ADARB2: variants seen among roughly 807,000 people sequenced by gnomAD.
ADARB2 encodes inactive double-stranded RNA-specific editase B2.
In ADARB2, 25 loss-of-function variants were observed where a neutral mutation model predicts 62.2. The ratio of observed to expected loss-of-function variants is 0.40; its 90% CI spans 0.29 to 0.56. ADARB2 has a LOEUF of 0.56. Ranked by LOEUF, ADARB2 falls within the 20% of genes least tolerant of loss-of-function variation. The pLI is 0.43. For synonymous variants in ADARB2, 572 were observed against 500.8 expected (o/e 1.14, Z -1.90); for missense variants, 1,071 against 1,077.4 (o/e 0.99, Z 0.08).
rs1267473963 is a variant in ADARB2, at chr10:1,220,027, GTGGTGATGATGGTAA to G, written c.1514-2923_1514-2909del. On this transcript the variant is annotated intron_variant, in intron 6 of 9. Transcript: ENST00000381312. ...GATGGTAATGGTGATGGTGATGATG[GTGGTGATGATGGTAA>G]TGGTGATGGTGGTGGTGGTGATGAT... Among the ~76,000 whole-genome samples, 890 of 139,382 alleles carry G rather than the reference GTGGTGATGATGGTAA, an allele frequency of 6.4e-3. 1 individual carries two copies. Among genetic ancestry groups the G allele is most frequent in the Non-Finnish European group, 8.2e-3 (525 of 63,908 alleles). 91.4% of individuals were successfully genotyped at this position (139,382 alleles called of 152,430 possible).
intron 4 of ADARB2, among the ~76,000 whole-genome samples, chr10:1,258,866 A>G (rs903033743): frequency 1.3e-5 from 2 of 152,292 alleles, no homozygotes; most frequent in African/African-American, 2.4e-5. Context: ...GCATCACACC[A>G]CACCTATTCC....
intron 1 of ADARB2, among the ~76,000 whole-genome samples, chr10:1,549,111 C>T (rs1377259142): frequency 2.0e-5 from 3 of 149,820 alleles, no homozygotes; most frequent in South Asian, 2.1e-4. Context: ...CAGAGGCTGG[C>T]GTCCGGTACA....
chr10:1,364,970 T>C lies in ADARB2; in HGVS notation c.188-1053A>G, dbSNP rs968650297. On this transcript the variant is annotated intron_variant, in intron 2 of 9. Coordinates refer to ENST00000381312, the MANE Select transcript of ADARB2 (RefSeq NM_018702.4). ...CCACTGCAACCTCCGCCTCCCAGAT[T>C]CAAGCGATTCTTCTGCCTCAGCCTC... Among the ~76,000 whole-genome samples the C allele has an allele frequency of 7.9e-5, 12 of 151,642 alleles. 1 individual carries two copies. Among genetic ancestry groups the C allele is most frequent in the Middle Eastern group, 3.4e-3 (1 of 294 alleles).
intron 1 of ADARB2, among the ~76,000 whole-genome samples, chr10:1,397,879 G>A (rs1326456519): frequency 9.7e-6 from 1 of 102,896 alleles, no homozygotes; most frequent in Non-Finnish European, 2.0e-5. Flanking sequence ...CTGGGTCACC[G>A]TCCTCCTCTC....
At position 1,382,564 on chromosome 10, in the gene ADARB2, A is replaced by G. The variant is rs917202357; in HGVS notation, c.101-3404T>C. 2.0e-5 allele frequency among the ~76,000 whole-genome samples: 3 copies of G among 152,176 alleles called. No homozygotes were observed. The East Asian group carries it at 5.8e-4, about 29-fold the overall frequency. ...GTGGTTTCCTCGGAACTCATTGTCC[A>G]TTTGGGATCTGATGTATATTCTGTT... On this transcript the variant is annotated intron_variant, in intron 1 of 9. Transcript: ENST00000381312.
chr10:1,303,822 G>A (rs1323687419), intron 3 of ADARB2, among the ~76,000 whole-genome samples: 1 of 151,654 alleles, frequency 6.6e-6, no homozygotes, highest in African/African-American at 2.4e-5. Flanking sequence ...ACAAGCAAAT[G>A]CTGAGAGATT....
intron 4 of ADARB2, among the ~76,000 whole-genome samples, chr10:1,243,207 C>T (rs1352892542): frequency 1.3e-5 from 2 of 152,234 alleles, no homozygotes; most frequent in Non-Finnish European, 2.9e-5. Flanking sequence ...GTTGCGGGTG[C>T]CCAGGAGCCT....
At chr10:1,548,134 C>T (rs1301953868) in intron 1 of ADARB2, among the ~76,000 whole-genome samples, 1 of 152,174 alleles carries the variant, frequency 6.6e-6, no homozygotes. Context: ...CGCCGAAGCT[C>T]AGGTGAACTT....
At chr10:1,452,953 C>T (rs751886024) in intron 1 of ADARB2, among the ~76,000 whole-genome samples, 8 of 152,114 alleles carry the variant, frequency 5.3e-5, no homozygotes, top group Non-Finnish European at 8.8e-5. Context: ...CCTGGTGGGC[C>T]GCGCAGAGCC....
intron 1 of ADARB2, among the ~76,000 whole-genome samples, chr10:1,379,398 TC>T (rs1832462269): frequency 6.6e-6 from 1 of 152,082 alleles, no homozygotes; most frequent in Non-Finnish European, 1.5e-5. Flanking sequence ...TATTTTGGCA[TC>T]CCCCTTCATC....
intron 5 of ADARB2, among the ~76,000 whole-genome samples, chr10:1,234,469 G>T (rs4880802): frequency 0.36 from 54,045 of 151,880 alleles, 10,091 homozygotes; most frequent in East Asian, 0.56. Flanking sequence ...ATAAGGTCTT[G>T]CTCTGTTGCT....
chr10:1,502,373 A>G (rs1831777306), intron 1 of ADARB2, among the ~76,000 whole-genome samples: 1 of 152,226 alleles, frequency 6.6e-6, no homozygotes, highest in Admixed American at 6.5e-5. Flanking sequence ...GAGGTATATG[A>G]CCGTGTGCTC....
At chr10:1,227,528 C>A (rs940527142) in intron 6 of ADARB2, among the ~76,000 whole-genome samples, 1 of 152,216 alleles carries the variant, frequency 6.6e-6, no homozygotes, top group Non-Finnish European at 1.5e-5. Context: ...CGGAGCTGTT[C>A]CTATTCGGCC....
At chr10:1,213,198 A>G (rs372790480) in intron 7 of ADARB2, among the ~76,000 whole-genome samples, 1 of 146,830 alleles carries the variant, frequency 6.8e-6, no homozygotes. Flanking sequence ...TAAAAAGACA[A>G]AGAGAGACAG....
At chr10:1,300,445 C>T (rs1196777753) in intron 3 of ADARB2, among the ~76,000 whole-genome samples, 2 of 152,202 alleles carry the variant, frequency 1.3e-5, no homozygotes, top group Non-Finnish European at 2.9e-5. Flanking sequence ...GCCTCTCCTC[C>T]TGACATTGCT....
At chr10:1,370,988 T>C (rs1832365065) in intron 2 of ADARB2, among the ~76,000 whole-genome samples, 1 of 152,224 alleles carries the variant, frequency 6.6e-6, no homozygotes, top group Non-Finnish European at 1.5e-5. Flanking sequence ...AGACCCTGAA[T>C]AGCTAAAGCA....
chr10:1,305,953 A>G (rs746948944), intron 3 of ADARB2, among the ~76,000 whole-genome samples: 49 of 152,228 alleles, frequency 3.2e-4, no homozygotes, highest in Non-Finnish European at 5.6e-4. Flanking sequence ...ATCCTACTGA[A>G]TGGGCAAAAA....
At chr10:1,375,965 A>G (rs7394336) in intron 2 of ADARB2, among the ~76,000 whole-genome samples, 3 of 128,120 alleles carry the variant, frequency 2.3e-5, no homozygotes, top group Non-Finnish European at 3.5e-5. Context: ...ATGCACACAC[A>G]CACATGTGCA....
At chr10:1,720,236 C>T (rs1835073287) in intron 1 of ADARB2, among the ~76,000 whole-genome samples, 1 of 152,172 alleles carries the variant, frequency 6.6e-6, no homozygotes, top group Non-Finnish European at 1.5e-5. Context: ...AACATGGATG[C>T]AGCTAGAGGC....
Sources: allele counts gnomAD v4.1 joint callset (sites outside exome capture counted in the v4.1 genomes callset), GRCh38; gene constraint gnomAD v4.1.1; transcripts MANE v1.5; gene names NCBI Gene and HGNC (gene_info 2026-07-23, HGNC 2026-07-21).